Variants in ZFHX3 observed in about 807,000 individuals in gnomAD.
ZFHX3 encodes zinc finger homeobox 3.
A neutral mutation model predicts 279.1 loss-of-function variants in ZFHX3; 42 were observed. The observed-to-expected ratio is 0.15, with a 90% CI of 0.12 to 0.19. ZFHX3 has a LOEUF of 0.19. ZFHX3 is among the 10% of genes least tolerant of loss of function. The pLI is 1.00. For synonymous variants in ZFHX3, 2,293 were observed against 1,957.8 expected (o/e 1.17, Z -4.52); for missense variants, 4,981 against 4,754.0 (o/e 1.05, Z -1.40).
intron 5 of ZFHX3, among the ~76,000 whole-genome samples, chr16:73,220,758 TTG>T (rs142252855): frequency 2.1e-4 from 32 of 150,696 alleles, no homozygotes; most frequent in South Asian, 4.2e-4. Context: ...GTTGCATTCT[TTG>T]TGTGTGTGTG....
chr16:72,944,841 G>T (rs1164502451), intron 3 of ZFHX3, among the ~76,000 whole-genome samples: 1 of 151,626 alleles, frequency 6.6e-6, no homozygotes, highest in African/African-American at 2.4e-5. Context: ...AAAGGACTCA[G>T]AAAAGAGAGA....
intron 6 of ZFHX3, among the ~76,000 whole-genome samples, chr16:73,131,657 T>G (rs1966684393): frequency 6.6e-6 from 1 of 152,214 alleles, no homozygotes; most frequent in Non-Finnish European, 1.5e-5. Context: ...GCTTTGCCTT[T>G]ACCTGATTTT....
chr16:72,890,200 A>G (rs2038736539), intron 3 of ZFHX3, among the ~76,000 whole-genome samples: 1 of 152,210 alleles, frequency 6.6e-6, no homozygotes, highest in African/African-American at 2.4e-5. Context: ...GGAGGTGATT[A>G]GAATATGGGG....
At chr16:73,340,534 TTGTG>T (rs1241425167) in intron 3 of ZFHX3, among the ~76,000 whole-genome samples, 5 of 152,176 alleles carry the variant, frequency 3.3e-5, no homozygotes, top group African/African-American at 1.2e-4. Flanking sequence ...TTTGGTTTTT[TTGTG>T]TGTGTGTTTT....
chr16:73,118,787 T>C (rs555233845), intron 7 of ZFHX3, among the ~76,000 whole-genome samples: 2 of 152,342 alleles, frequency 1.3e-5, no homozygotes, highest in African/African-American at 4.8e-5. Flanking sequence ...AAGATAGGTA[T>C]GAGTACATGT....
chr16:73,863,924 G>T (rs1400155374), intron 1 of ZFHX3, among the ~76,000 whole-genome samples: 1 of 152,110 alleles, frequency 6.6e-6, no homozygotes, highest in Non-Finnish European at 1.5e-5. Context: ...ATAGAAAAAT[G>T]ATCACGCTCT....
At chr16:73,372,200 C>G (rs2016643366) in intron 3 of ZFHX3, among the ~76,000 whole-genome samples, 2 of 152,084 alleles carry the variant, frequency 1.3e-5, no homozygotes, top group African/African-American at 4.8e-5. Flanking sequence ...TCCAGAAGTC[C>G]CTGTAGTCCG....
chr16:73,878,298 T>C (rs549718668), intron 1 of ZFHX3, among the ~76,000 whole-genome samples: 3 of 152,244 alleles, frequency 2.0e-5, no homozygotes, highest in South Asian at 4.1e-4. Flanking sequence ...ACAGGTAATA[T>C]ACATGAAACC....
chr16:72,827,927 C>G (rs950498344), intron 5 of ZFHX3, among the ~76,000 whole-genome samples: 5 of 152,172 alleles, frequency 3.3e-5, no homozygotes, highest in Non-Finnish European at 7.3e-5. Context: ...AAACACTGAA[C>G]AGTGGTACAT....
intron 2 of ZFHX3, among the ~76,000 whole-genome samples, chr16:73,490,104 C>G (rs1350457110): frequency 1.3e-5 from 2 of 152,196 alleles, no homozygotes; most frequent in Non-Finnish European, 2.9e-5. Flanking sequence ...GGAAGAATAT[C>G]TTAAAACCTT....
At chr16:73,391,901 A>G (rs539397681) in intron 3 of ZFHX3, among the ~76,000 whole-genome samples, 9 of 152,328 alleles carry the variant, frequency 5.9e-5, no homozygotes, top group African/African-American at 2.2e-4. Flanking sequence ...AAGAAAAGCA[A>G]AAACAGAACC....
In ZFHX3 at chr16:73,416,822, C is replaced by T. The variant is rs9931368; in HGVS notation, c.-1291+39181G>A. On this transcript the variant is annotated intron_variant, in intron 3 of 17. Coordinates refer to the ZFHX3 transcript ENST00000641206. The stretch of plus-strand genomic sequence containing the variant: ...TCGGGAGGCGGAGCCTGCAGTGAGC[C>T]GAGATCGCGCCACTGCACTCCAGCC... Among the ~76,000 whole-genome samples the T allele has an allele frequency of 2.8e-4, 41 of 146,080 alleles. 1 individual carries two copies. The highest frequency in any genetic ancestry group is 1.4e-3 in the South Asian group (6 of 4,410).
chr16:73,463,395 T>A (rs901173623), intron 2 of ZFHX3, among the ~76,000 whole-genome samples: 1 of 152,204 alleles, frequency 6.6e-6, no homozygotes, highest in Non-Finnish European at 1.5e-5. Flanking sequence ...CCAGGCTGTC[T>A]ACTAACGTTC....
chr16:72,989,385 G>A (rs1489679825), intron 1 of ZFHX3, among the ~76,000 whole-genome samples: 2 of 151,858 alleles, frequency 1.3e-5, no homozygotes, highest in African/African-American at 2.4e-5. Flanking sequence ...AGGAGGCTGA[G>A]GCAGGAGAAT....
At chr16:73,463,505 T>A (rs1345871) in intron 2 of ZFHX3, among the ~76,000 whole-genome samples, 1 of 152,158 alleles carries the variant, frequency 6.6e-6, no homozygotes, top group Admixed American at 6.5e-5. Flanking sequence ...TCGTTTCTGG[T>A]ATAACCTGTG....
intron 1 of ZFHX3, among the ~76,000 whole-genome samples, chr16:73,000,861 T>G (rs900926410): frequency 1.3e-5 from 2 of 152,164 alleles, no homozygotes; most frequent in South Asian, 4.1e-4. Context: ...ATTTTGAAAC[T>G]GGGGGTGGAG....
At chr16:72,867,962 G>A (rs965892216) in intron 4 of ZFHX3, among the ~76,000 whole-genome samples, 3 of 152,154 alleles carry the variant, frequency 2.0e-5, no homozygotes, top group African/African-American at 7.2e-5. Context: ...ACAAGATGGC[G>A]CCCAAGGAAG....
intron 8 of ZFHX3, among the ~76,000 whole-genome samples, chr16:73,080,235 A>G (rs1399988990): frequency 6.6e-6 from 1 of 152,194 alleles, no homozygotes; most frequent in Non-Finnish European, 1.5e-5. Flanking sequence ...GCCTCCACCC[A>G]TTAACTGAAA....
intron 3 of ZFHX3, among the ~76,000 whole-genome samples, chr16:73,319,099 G>A (rs2015517486): frequency 1.3e-5 from 2 of 151,840 alleles, no homozygotes; most frequent in African/African-American, 2.4e-5. Flanking sequence ...GGGAGGGGAG[G>A]GGAGGTGTGG....
Sources: allele counts gnomAD v4.1 joint callset (sites outside exome capture counted in the v4.1 genomes callset), GRCh38; gene constraint gnomAD v4.1.1; transcripts MANE v1.5; gene names NCBI Gene and HGNC (gene_info 2026-07-23, HGNC 2026-07-21).